The following CHODL variants were observed in gnomAD, a reference collection of about 807,000 sequenced individuals.
The protein encoded by CHODL is chondrolectin.
Under a neutral mutation model 34.5 loss-of-function variants are expected in CHODL, and 29 were observed. That is an observed-to-expected ratio of 0.84 (90% CI 0.63 to 1.15). CHODL has a LOEUF of 1.15. Among genes scored for constraint, CHODL ranks in the 50% most tolerant of loss-of-function variants. The pLI, the probability that CHODL is intolerant of heterozygous loss-of-function variation, is 0.00. For missense variants in CHODL, 332 were observed against 332.5 expected (o/e 1.00, Z 0.01); for synonymous variants, 125 against 116.1 (o/e 1.08, Z -0.49).
At chr21:18,245,376 C>A (rs2074127048) in intron 1 of CHODL, 74 bp downstream of exon 1, 2 of 1,281,406 alleles carry the variant, frequency 1.6e-6, no homozygotes, top group Non-Finnish European at 2.1e-6. Context: ...AGCCTGTTCT[C>A]GGGCGGAGGC....
chr21:17,922,149 A>G (rs1321522387), intron 1 of CHODL, among the ~76,000 whole-genome samples: 1 of 152,116 alleles, frequency 6.6e-6, no homozygotes, highest in African/African-American at 2.4e-5. Flanking sequence ...GAAGTGAGAC[A>G]GAGAAGTCTA....
intron 2 of CHODL, among the ~76,000 whole-genome samples, chr21:18,069,170 G>A (rs1003615269): frequency 3.3e-5 from 5 of 152,056 alleles, no homozygotes; most frequent in Non-Finnish European, 7.4e-5. Context: ...GAAACATAAT[G>A]AAATTTCAGA....
intron 2 of CHODL, among the ~76,000 whole-genome samples, chr21:18,132,275 A>C (rs2072665940): frequency 6.6e-6 from 1 of 152,156 alleles, no homozygotes; most frequent in Non-Finnish European, 1.5e-5. Context: ...AATGTTTCTA[A>C]AAAGCTATTG....
In CHODL at chr21:18,028,272, TTTTCCCCTTC is replaced by T. The variant is rs1416461697; in HGVS notation, c.-45+302_-45+311del. Among the ~76,000 whole-genome samples the T allele has an allele frequency of 4.8e-4, 34 of 70,120 alleles. 1 individual carries two copies. The highest frequency in any genetic ancestry group is 2.0e-3 in the African/African-American group (32 of 16,098). 46.0% of individuals were successfully genotyped at this position (70,120 alleles called of 152,430 possible). A position where few individuals can be genotyped will look rare whatever the true frequency, so the allele number is the denominator to read the frequency against. The stretch of plus-strand genomic sequence containing the variant: ...CTTTTCCTTTTCTTTTTCTTTTTCC[TTTTCCCCTTC>T]CTTCCTTCCTTCCTTCCTTCCTTCC... On this transcript the variant is annotated intron_variant, in intron 2 of 6. Transcript: ENST00000400127.
At chr21:18,024,463 A>T (rs1380953609) in intron 1 of CHODL, among the ~76,000 whole-genome samples, 1 of 152,218 alleles carries the variant, frequency 6.6e-6, no homozygotes, top group Non-Finnish European at 1.5e-5. Context: ...AACATAAAAA[A>T]TGGGTATAAT....
intron 2 of CHODL, among the ~76,000 whole-genome samples, chr21:18,214,613 T>A (rs2073805942): frequency 6.6e-6 from 1 of 152,154 alleles, no homozygotes; most frequent in African/African-American, 2.4e-5. Context: ...ACTGAATATG[T>A]AAAATAATTT....
chr21:18,194,065 C>T (rs772457497), intron 2 of CHODL, among the ~76,000 whole-genome samples: 9 of 152,054 alleles, frequency 5.9e-5, no homozygotes, highest in African/African-American at 1.9e-4. Context: ...GCCACTGCTA[C>T]CCCCCTGTGA....
rs1568966861 is a variant in CHODL at position 18,266,176 on chromosome 21, AAAGT to A, written c.*141_*144del. 6.4e-7 allele frequency: 1 copy of A among 1,552,318 alleles called. No homozygotes were observed. The highest frequency in any genetic ancestry group is 2.4e-5 in the East Asian group (1 of 41,128). ...TAAGCTCCCCCTTGAGGCAAATATT[AAAGT>A]AATTTTTATATGTCTATTATTTCAT... On this transcript the variant is annotated 3_prime_UTR_variant, in exon 6 of 6. Coordinates refer to ENST00000299295, the MANE Select transcript of CHODL (RefSeq NM_024944.3).
At chr21:18,230,920 T>A (rs2146754733) in intron 2 of CHODL, among the ~76,000 whole-genome samples, 1 of 152,260 alleles carries the variant, frequency 6.6e-6, no homozygotes, top group East Asian at 1.9e-4. Context: ...AATGCTTTTC[T>A]ATTTTATGAT....
Position 17,977,741 on chromosome 21 carries a change from ACT to A in CHODL, c.-144-50128_-144-50127del, listed in dbSNP as rs549471676. Among the ~76,000 whole-genome samples, 113 of 147,726 alleles carry A rather than the reference ACT, an allele frequency of 7.6e-4. 2 individuals carry two copies. In the South Asian group the frequency reaches 0.015, roughly 20 times the overall value. ...AGACCATCCTGGCCAACATGGTGAA[ACT>A]CTGTCTCTACTAAAAATACAAAAAA... is the stretch of plus-strand genomic sequence containing the variant. On this transcript the variant is annotated intron_variant, in intron 1 of 6. Coordinates refer to the CHODL transcript ENST00000400127.
At chr21:18,095,520 C>T (rs1166431458) in intron 2 of CHODL, among the ~76,000 whole-genome samples, 1 of 152,180 alleles carries the variant, frequency 6.6e-6, no homozygotes, top group Non-Finnish European at 1.5e-5. Context: ...ATTAAAATGT[C>T]TTTCAGTAAA....
chr21:18,068,663 C>T (rs941224456), intron 2 of CHODL, among the ~76,000 whole-genome samples: 2 of 152,144 alleles, frequency 1.3e-5, no homozygotes, highest in African/African-American at 4.8e-5. Flanking sequence ...ATCTTACTTG[C>T]ATCTGTGCAT....
chr21:18,099,645 C>A (rs1330323564), intron 2 of CHODL, among the ~76,000 whole-genome samples: 1 of 151,912 alleles, frequency 6.6e-6, no homozygotes, highest in Admixed American at 6.6e-5. Flanking sequence ...ATGCTGGAAG[C>A]CAAGCAACAA....
At chr21:18,095,774 A>G (rs2065132277) in intron 2 of CHODL, among the ~76,000 whole-genome samples, 1 of 152,230 alleles carries the variant, frequency 6.6e-6, no homozygotes, top group Non-Finnish European at 1.5e-5. Flanking sequence ...AGCAAACTGA[A>G]TCCAACAATA....
intron 2 of CHODL, among the ~76,000 whole-genome samples, chr21:18,202,097 G>T (rs1004917899): frequency 6.6e-6 from 1 of 152,078 alleles, no homozygotes; most frequent in Non-Finnish European, 1.5e-5. Context: ...CAGCCACGGC[G>T]CCCGGCCTAC....
rs1399351960 is a variant in CHODL, at chr21:18,028,272, T to C, written c.-45+301T>C. On this transcript the variant is annotated intron_variant, in intron 2 of 6. Transcript: ENST00000400127. ...CTTTTCCTTTTCTTTTTCTTTTTCC[T>C]TTTCCCCTTCCTTCCTTCCTTCCTT... Among the ~76,000 whole-genome samples the C allele has an allele frequency of 3.9e-3, 273 of 70,104 alleles. 6 individuals carry two copies. Among genetic ancestry groups the C allele is most frequent in the African/African-American group, 0.015 (248 of 16,084 alleles). 46.0% of individuals were successfully genotyped at this position (70,104 alleles called of 152,430 possible). A position where few individuals can be genotyped will look rare whatever the true frequency, so the allele number is the denominator to read the frequency against.
intron 2 of CHODL, among the ~76,000 whole-genome samples, chr21:18,094,885 A>C (rs28778682): frequency 5.9e-5 from 9 of 152,162 alleles, no homozygotes; most frequent in African/African-American, 2.2e-4. Flanking sequence ...GCACTTTGAG[A>C]GGCTGAAGCA....
At chr21:18,014,723 C>CT (rs2064054845) in intron 1 of CHODL, among the ~76,000 whole-genome samples, 1 of 152,160 alleles carries the variant, frequency 6.6e-6, no homozygotes. Context: ...CTTACTCCTG[C>CT]TTTGTCTTCT....
At chr21:18,024,864 C>G (rs1277421964) in intron 1 of CHODL, 1 of 152,146 alleles carries the variant, frequency 6.6e-6, no homozygotes, top group Non-Finnish European at 1.5e-5. Flanking sequence ...TCCCACCACT[C>G]ATCGACCCAG....
Sources: allele counts gnomAD v4.1 joint callset (sites outside exome capture counted in the v4.1 genomes callset), GRCh38; gene constraint gnomAD v4.1.1; transcripts MANE v1.5; gene names NCBI Gene and HGNC (gene_info 2026-07-23, HGNC 2026-07-21).